The following LCORL variants were observed in gnomAD, a reference collection of about 807,000 sequenced individuals.
LCORL encodes ligand-dependent nuclear receptor corepressor-like protein.
Under a neutral mutation model 141.8 loss-of-function variants are expected in LCORL, and 41 were observed. The observed-to-expected ratio is 0.29, with a 90% CI of 0.23 to 0.38. The LOEUF is 0.38. Among genes scored for constraint, LCORL ranks in the 10% least tolerant of loss-of-function variants. The probability of loss-of-function intolerance (pLI) is 1.00; values close to 1 mark genes in which losing one functional copy is unlikely to be tolerated. For missense variants in LCORL, 1,759 were observed against 2,035.0 expected (o/e 0.86, Z 2.61); for synonymous variants, 618 against 694.1 (o/e 0.89, Z 1.72).
intron 1 of LCORL, among the ~76,000 whole-genome samples, chr4:17,983,726 G>T (rs1718429107): frequency 6.6e-6 from 1 of 152,122 alleles, no homozygotes; most frequent in Non-Finnish European, 1.5e-5. Context: ...AGTATAGTTT[G>T]ACTTCCTCTT....
At chr4:17,841,375 A>AT (rs199614581) in exon 8 of LCORL, 1 of 151,878 alleles carries the variant, frequency 6.6e-6, no homozygotes, top group Non-Finnish European at 1.5e-5. Context: ...TGCAGATTTA[A>AT]TTTTTTCTAA....
At chr4:17,989,778 A>G (rs1375172326) in intron 1 of LCORL, among the ~76,000 whole-genome samples, 1 of 152,248 alleles carries the variant, frequency 6.6e-6, no homozygotes, top group Non-Finnish European at 1.5e-5. Flanking sequence ...TTAAAACAAC[A>G]CAAATTTACT....
At chr4:18,019,881 C>T (rs1177354942) in intron 1 of LCORL, among the ~76,000 whole-genome samples, 1 of 152,194 alleles carries the variant, frequency 6.6e-6, no homozygotes, top group Non-Finnish European at 1.5e-5. Context: ...TTATCAAAAA[C>T]AGCCCATTTT....
At chr4:17,971,133 A>G (rs1354301730) in intron 2 of LCORL, among the ~76,000 whole-genome samples, 1 of 151,286 alleles carries the variant, frequency 6.6e-6, no homozygotes, top group Non-Finnish European at 1.5e-5. Context: ...TAAAAATTAT[A>G]TAACACATGT....
At chr4:17,997,449 T>C (rs540190849) in intron 1 of LCORL, among the ~76,000 whole-genome samples, 1 of 152,170 alleles carries the variant, frequency 6.6e-6, no homozygotes, top group Non-Finnish European at 1.5e-5. Flanking sequence ...TAAAAGTAAT[T>C]GAATTTTATG....
chr4:17,921,112 C>T (rs943616408), intron 4 of LCORL, among the ~76,000 whole-genome samples: 10 of 152,144 alleles, frequency 6.6e-5, no homozygotes, highest in Non-Finnish European at 1.3e-4. Context: ...CAACCTCCAC[C>T]TCCTGGGTTC....
chr4:17,883,149 T>C (rs1727797884), intron 6 of LCORL: 2 of 981,268 alleles, frequency 2.0e-6, no homozygotes, highest in Non-Finnish European at 2.4e-6. Flanking sequence ...TCCTGGTGGA[T>C]GCACTTGAGT....
At chr4:18,004,058 T>C (rs1722401723) in intron 1 of LCORL, among the ~76,000 whole-genome samples, 2 of 152,192 alleles carry the variant, frequency 1.3e-5, no homozygotes, top group Admixed American at 6.5e-5. Context: ...GCACAGAACT[T>C]GTAAGTAGAA....
intron 2 of LCORL, among the ~76,000 whole-genome samples, chr4:17,971,997 T>C (rs1716046572): frequency 6.6e-6 from 1 of 151,806 alleles, no homozygotes; most frequent in Non-Finnish European, 1.5e-5. Flanking sequence ...TTTTTTTAAT[T>C]GATCAAATAT....
chr4:17,988,029 G>A (rs927050358), intron 1 of LCORL, among the ~76,000 whole-genome samples: 1 of 152,126 alleles, frequency 6.6e-6, no homozygotes, highest in Admixed American at 6.5e-5. Context: ...GGGACCTGGT[G>A]GAAGATGACT....
chr4:17,914,498 A>G (rs1322011892), intron 4 of LCORL, among the ~76,000 whole-genome samples: 1 of 152,228 alleles, frequency 6.6e-6, no homozygotes, highest in South Asian at 2.1e-4. Context: ...CCTTTATACT[A>G]TATTGTGGAA....
intron 7 of LCORL, among the ~76,000 whole-genome samples, chr4:17,857,590 G>C (rs1724515631): frequency 6.6e-6 from 1 of 152,104 alleles, no homozygotes; most frequent in African/African-American, 2.4e-5. Flanking sequence ...GCTAGACACT[G>C]TAGAATTTTT....
chr4:17,995,494 C>T (rs1305037811), intron 1 of LCORL, among the ~76,000 whole-genome samples: 1 of 152,002 alleles, frequency 6.6e-6, no homozygotes, highest in African/African-American at 2.4e-5. Flanking sequence ...TTAAAGAAAC[C>T]GGATCAATGT....
chr4:17,882,595 T>C (rs1727717980), intron 6 of LCORL: 2 of 984,616 alleles, frequency 2.0e-6, no homozygotes, highest in African/African-American at 3.5e-5. Flanking sequence ...TGTAAATCTA[T>C]TCAAGACCCT....
intron 7 of LCORL, among the ~76,000 whole-genome samples, chr4:17,871,730 A>C (rs1726356647): frequency 6.6e-6 from 1 of 151,880 alleles, no homozygotes; most frequent in South Asian, 2.1e-4. Flanking sequence ...TAAAAAAAAA[A>C]CCACTATCAG....
intron 6 of LCORL, chr4:17,882,848 C>T (rs1012417943): frequency 2.7e-5 from 27 of 983,038 alleles, no homozygotes; most frequent in Non-Finnish European, 3.1e-5. Flanking sequence ...TTTCTGTGCA[C>T]ATTATAAACA....
chr4:17,898,331 C>A (rs1730312631), intron 5 of LCORL, among the ~76,000 whole-genome samples: 1 of 151,986 alleles, frequency 6.6e-6, no homozygotes, highest in African/African-American at 2.4e-5. Flanking sequence ...ACTAATTTGA[C>A]CCAGCCAGGT....
At chr4:17,949,292 C>T (rs1739364097) in intron 4 of LCORL, among the ~76,000 whole-genome samples, 1 of 152,074 alleles carries the variant, frequency 6.6e-6, no homozygotes, top group Non-Finnish European at 1.5e-5. Context: ...GGTGGGCAGA[C>T]AGATGTTTTA....
At chr4:17,858,960 C>T (rs1315454336) in intron 7 of LCORL, among the ~76,000 whole-genome samples, 1 of 151,920 alleles carries the variant, frequency 6.6e-6, no homozygotes, top group Non-Finnish European at 1.5e-5. Flanking sequence ...AATGCCATAC[C>T]CATCTTCTGA....
Sources: allele counts gnomAD v4.1 joint callset (sites outside exome capture counted in the v4.1 genomes callset), GRCh38; gene constraint gnomAD v4.1.1; transcripts MANE v1.5; gene names NCBI Gene and HGNC (gene_info 2026-07-23, HGNC 2026-07-21).